The following CASD1 variants were observed in gnomAD, a reference collection of about 807,000 sequenced individuals.
CASD1 encodes the protein CAS1 domain sialic acid O acetyltransferase 1.
Under a neutral mutation model 100.0 loss-of-function variants are expected in CASD1, and 41 were observed. That is an observed-to-expected ratio of 0.41 (90% CI 0.32 to 0.53). The LOEUF (loss-of-function observed/expected upper bound fraction) is 0.53, where lower values mean the gene tolerates loss of function less well. Among genes scored for constraint, CASD1 ranks in the 20% least tolerant of loss-of-function variants. The pLI is 0.25. For synonymous variants in CASD1, 321 were observed against 315.6 expected (o/e 1.02, Z -0.18); for missense variants, 774 against 948.7 (o/e 0.82, Z 2.42).
intron 5 of CASD1, among the ~76,000 whole-genome samples, chr7:94,532,204 A>G (rs1304830126): frequency 6.6e-6 from 1 of 152,146 alleles, no homozygotes; most frequent in Non-Finnish European, 1.5e-5. Context: ...CTATGTGTAC[A>G]ATGTTTTTTC....
chr7:94,555,961 A>G lies in CASD1; in HGVS notation c.*203A>G, dbSNP rs1796187411. ...CAATATGAAATACTAAAACAAACAA[A>G]CAAACAAAAAACCAGAATGCATTGT... is the stretch of plus-strand genomic sequence containing the variant. On this transcript the variant is annotated 3_prime_UTR_variant, in exon 18 of 18. Transcript: ENST00000297273. The G allele has an allele frequency of 1.9e-6, 1 of 533,788 alleles. No individual in the cohort carries two copies. Among genetic ancestry groups the G allele is most frequent in the Non-Finnish European group, 3.2e-6 (1 of 311,442 alleles). 33.1% of individuals were successfully genotyped at this position (533,788 alleles called of 1,614,324 possible). A position where few individuals can be genotyped will look rare whatever the true frequency, so the allele number is the denominator to read the frequency against.
chr7:94,560,975 T>A (rs1584446962), downstream of CASD1, among the ~76,000 whole-genome samples: 1 of 152,202 alleles, frequency 6.6e-6, no homozygotes, highest in South Asian at 2.1e-4. Flanking sequence ...CCCAAAAACA[T>A]AATAGAAAAA....
At chr7:94,520,486 T>G (rs1794205301) in intron 3 of CASD1, among the ~76,000 whole-genome samples, 1 of 152,228 alleles carries the variant, frequency 6.6e-6, no homozygotes, top group Non-Finnish European at 1.5e-5. Flanking sequence ...CAAATAAATT[T>G]GGGCAGAGCT....
At chr7:94,536,566 T>C (rs1795131507) in intron 8 of CASD1, among the ~76,000 whole-genome samples, 1 of 152,150 alleles carries the variant, frequency 6.6e-6, no homozygotes, top group African/African-American at 2.4e-5. Flanking sequence ...TAAAAGGGCT[T>C]GATGAACCCC....
chr7:94,554,755 G>T (rs1796119982), intron 17 of CASD1, among the ~76,000 whole-genome samples, 180 bp downstream of exon 17: 1 of 151,980 alleles, frequency 6.6e-6, no homozygotes, highest in Non-Finnish European at 1.5e-5. Flanking sequence ...CAATACTAAA[G>T]TATTTTGGAA....
intron 3 of CASD1, among the ~76,000 whole-genome samples, chr7:94,522,689 G>A (rs899694216): frequency 4.0e-5 from 6 of 149,362 alleles, no homozygotes; most frequent in Middle Eastern, 3.2e-3. Flanking sequence ...CGGAGTTCTC[G>A]CTCTGTTGCC....
At chr7:94,558,714 G>T (rs759522389), downstream of CASD1, among the ~76,000 whole-genome samples, 15 of 152,120 alleles carry the variant, frequency 9.9e-5, no homozygotes, top group Non-Finnish European at 2.1e-4. Context: ...ATGGTTTCCA[G>T]AAAAGGAAGT....
the CASD1 span, among the ~76,000 whole-genome samples, chr7:94,565,524 C>A: frequency 1.3e-5 from 2 of 152,164 alleles, no homozygotes; most frequent in African/African-American, 4.8e-5. Flanking sequence ...CAATAACCCA[C>A]TGACTTAACT....
chr7:94,547,074 AAT>A lies in CASD1; in HGVS notation c.1634-21_1634-20del. On this transcript the variant is annotated intron_variant, in intron 12 of 17. Coordinates refer to ENST00000297273, the MANE Select transcript of CASD1 (RefSeq NM_022900.5). ...TCTAATATAAATTTATTTTTTAGTAAATTAAATATTTTCTCTCTTAGGAAATT... is the reference window on the plus strand; with the variant it reads ...TCTAATATAAATTTATTTTTTAGTAATAAATATTTTCTCTCTTAGGAAATT... The A allele has an allele frequency of 6.7e-7, 1 of 1,483,456 alleles. No homozygotes were observed. 91.9% of individuals were successfully genotyped at this position (1,483,456 alleles called of 1,614,324 possible). A position where few individuals can be genotyped will look rare whatever the true frequency, so the allele number is the denominator to read the frequency against.
At chr7:94,626,743 C>T in the CASD1 span, 8 of 151,906 alleles carry the variant, frequency 5.3e-5, no homozygotes, top group Admixed American at 5.3e-4. Flanking sequence ...ATTTATCAGA[C>T]AGAGTCATTC....
chr7:94,604,842 T>C, the CASD1 span, among the ~76,000 whole-genome samples: 3 of 68,876 alleles, frequency 4.4e-5, no homozygotes, highest in African/African-American at 1.3e-4. Flanking sequence ...TATATATATA[T>C]ATATATATAT....
chr7:94,604,851 A>T, the CASD1 span, among the ~76,000 whole-genome samples: 3 of 102,482 alleles, frequency 2.9e-5, no homozygotes, highest in East Asian at 9.4e-4. Flanking sequence ...ATATATATAT[A>T]TATATATAAT....
At chr7:94,547,400 G>C (rs754289842) in intron 13 of CASD1, among the ~76,000 whole-genome samples, 1 of 151,828 alleles carries the variant, frequency 6.6e-6, no homozygotes, top group Non-Finnish European at 1.5e-5. Context: ...TCCTCTGGCA[G>C]TTGTTCAAGA....
At chr7:94,632,706 C>A in the CASD1 span, among the ~76,000 whole-genome samples, 1 of 152,050 alleles carries the variant, frequency 6.6e-6, no homozygotes, top group Non-Finnish European at 1.5e-5. Context: ...TAGAGGAGTG[C>A]CCTTTGCCTT....
chr7:94,547,677 T>C (rs1795746838), intron 13 of CASD1, among the ~76,000 whole-genome samples: 1 of 151,906 alleles, frequency 6.6e-6, no homozygotes. Context: ...TCTAACCTTG[T>C]ATTTTTCTAT....
At chr7:94,574,332 A>G in the CASD1 span, among the ~76,000 whole-genome samples, 1 of 152,092 alleles carries the variant, frequency 6.6e-6, no homozygotes, top group Non-Finnish European at 1.5e-5. Flanking sequence ...CATCTGGTAG[A>G]ATTTGGCTGT....
the CASD1 span, among the ~76,000 whole-genome samples, chr7:94,577,004 C>A: frequency 6.6e-6 from 1 of 152,064 alleles, no homozygotes; most frequent in Non-Finnish European, 1.5e-5. Context: ...TAATTTATAT[C>A]TTTTTATTGA....
chr7:94,539,605 G>T (rs1343405359), intron 10 of CASD1, among the ~76,000 whole-genome samples: 1 of 146,390 alleles, frequency 6.8e-6, no homozygotes, highest in Non-Finnish European at 1.5e-5. Flanking sequence ...GGGGATAGAG[G>T]TTGCAATGAG....
chr7:94,526,717 C>T (rs977392255), intron 3 of CASD1, among the ~76,000 whole-genome samples: 46 of 152,250 alleles, frequency 3.0e-4, no homozygotes, highest in African/African-American at 9.6e-4. Context: ...TGCTTGAGCC[C>T]GGGAGGCGGA....
Sources: gnomAD v4.1 joint callset for allele counts (sites outside exome capture counted in the v4.1 genomes callset) on GRCh38, gnomAD v4.1.1 for gene constraint, MANE v1.5 for transcripts, NCBI Gene and HGNC (gene_info 2026-07-23, HGNC 2026-07-21) for gene names.